Variants in TBCD observed in about 807,000 individuals in gnomAD.
The protein encoded by TBCD is tubulin-specific chaperone D.
TBCD carries 105 observed loss-of-function variants against 169.3 expected under a neutral mutation model. The ratio of observed to expected loss-of-function variants is 0.62; its 90% CI spans 0.53 to 0.73. The LOEUF (loss-of-function observed/expected upper bound fraction) is 0.73. Among genes scored for constraint, TBCD ranks in the 30% least tolerant of loss-of-function variants. The pLI is 0.00. For synonymous variants in TBCD, 700 were observed against 643.9 expected (o/e 1.09, Z -1.32); for missense variants, 1,444 against 1,600.1 (o/e 0.90, Z 1.66).
chr17:82,942,311 G>A lies in TBCD; in HGVS notation c.3565-138G>A, dbSNP rs1384540739. ...AGCCACATAGCTCAGGCTGCCGGGTGTGTGGGAAACGGCACAAATGGTTTC... is the reference window on the plus strand; with the variant it reads ...AGCCACATAGCTCAGGCTGCCGGGTATGTGGGAAACGGCACAAATGGTTTC... On this transcript the variant is annotated intron_variant, in intron 38 of 38. Coordinates refer to ENST00000355528, the MANE Select transcript of TBCD (RefSeq NM_005993.5). The A allele has an allele frequency of 3.2e-6, 4 of 1,255,822 alleles. No homozygotes were observed. The East Asian group carries it at 7.3e-5, about 23-fold the overall frequency. 77.8% of individuals were successfully genotyped at this position (1,255,822 alleles called of 1,614,324 possible). A position where few individuals can be genotyped will look rare whatever the true frequency, so the allele number is the denominator to read the frequency against.
At chr17:82,816,402 G>T (rs1037966996) in intron 13 of TBCD, among the ~76,000 whole-genome samples, 1 of 152,188 alleles carries the variant, frequency 6.6e-6, no homozygotes, top group Non-Finnish European at 1.5e-5. Flanking sequence ...TAGTAGAAAT[G>T]CTGGGTCATA....
chr17:82,848,235 G>A (rs558610606), intron 13 of TBCD, among the ~76,000 whole-genome samples: 1 of 152,182 alleles, frequency 6.6e-6, no homozygotes, highest in African/African-American at 2.4e-5. Context: ...GGCTCTGCAG[G>A]CACCGTCAGA....
chr17:82,843,260 GCTGT>G (rs1012763749), intron 13 of TBCD, among the ~76,000 whole-genome samples: 3 of 150,726 alleles, frequency 2.0e-5, no homozygotes, highest in African/African-American at 7.3e-5. Context: ...AGTTAACACA[GCTGT>G]CTGTGTTCCC....
chr17:82,882,165 C>T (rs1296938458), intron 14 of TBCD, among the ~76,000 whole-genome samples: 4 of 152,242 alleles, frequency 2.6e-5, no homozygotes, highest in African/African-American at 4.8e-5. Context: ...CTTTCTCAAC[C>T]GGCCCTGGGG....
At position 82,811,128 on chromosome 17, in the gene TBCD, C is replaced by T. The variant is rs147995098; in HGVS notation, c.1223+1346C>T. Among the ~76,000 whole-genome samples the T allele has an allele frequency of 7.7e-4, 117 of 152,296 alleles. No individual in the cohort carries two copies. The East Asian group carries it at 0.011, about 15-fold the overall frequency. On this transcript the variant is annotated intron_variant, in intron 12 of 38. Coordinates refer to ENST00000355528, the MANE Select transcript of TBCD (RefSeq NM_005993.5). ...AGGCGACCTCCAGCCTTGTTTCAGG[C>T]GTGTCCCTGGAGCTCCTTTCTGGTG...
chr17:82,876,893 C>T, intron 14 of TBCD: 2 of 888,022 alleles, frequency 2.3e-6, no homozygotes, highest in Non-Finnish European at 2.7e-6. Flanking sequence ...GCCGGGAGTG[C>T]CTGCGTCTCC....
At chr17:82,932,920 T>A in intron 34 of TBCD, 185 bp downstream of exon 34, 1 of 621,294 alleles carries the variant, frequency 1.6e-6, no homozygotes, top group East Asian at 2.8e-5. Flanking sequence ...AATAATAACA[T>A]ATTTACATAA....
At chr17:82,819,264 C>T (rs2052201487) in intron 13 of TBCD, among the ~76,000 whole-genome samples, 1 of 152,184 alleles carries the variant, frequency 6.6e-6, no homozygotes, top group Admixed American at 6.5e-5. Flanking sequence ...CTGGAAGGCA[C>T]CCTGGGTCTT....
Position 82,807,654 on chromosome 17 carries a change from G to A in TBCD, c.1134G>A (p.Trp378Ter), listed in dbSNP as rs767747027. The A allele has an allele frequency of 6.5e-7, 1 of 1,549,746 alleles. No individual in the cohort carries two copies. Among genetic ancestry groups the A allele is most frequent in the Non-Finnish European group, 8.7e-7 (1 of 1,146,390 alleles). ...AGGACAAGGACACGGTCGTGCGGTG[G>A]TCTGCAGCCAAGGGGTAGGTGTCTG... is the stretch of plus-strand genomic sequence containing the variant. ...GLKDKDTVVR[W>*]SAAKGIGRMA... The change falls in exon 11 of 39, where the codon TGG becomes TGA. Residue 378 changes from tryptophan to a stop codon, truncating the protein, a stop_gained. Transcript: ENST00000355528. LOFTEE classifies it high-confidence loss of function.
chr17:82,859,545 A>C (rs755706515), intron 13 of TBCD: 91 of 985,298 alleles, frequency 9.2e-5, no homozygotes, highest in Non-Finnish European at 1.1e-4. Context: ...GCAGACACAC[A>C]AGCTGTGACT....
chr17:82,850,515 C>T (rs1183913090), intron 13 of TBCD, among the ~76,000 whole-genome samples: 3 of 93,680 alleles, frequency 3.2e-5, no homozygotes, highest in Non-Finnish European at 5.0e-5. Context: ...GTTGGCTGTG[C>T]TGTTGTTGGC....
chr17:82,831,335 G>A lies in TBCD; in HGVS notation c.1318+16401G>A. ...GGAATTGGACTTTCGAACTCGACGT[G>A]TTTTCTGTTGGGGTCCGAAGGGTTT... On this transcript the variant is annotated intron_variant, in intron 13 of 38. Coordinates refer to ENST00000355528, the MANE Select transcript of TBCD (RefSeq NM_005993.5). This position sits in a 1 kb window ranked among gnomAD's most constrained non-coding sequence, Gnocchi z 4.6. 6.2e-7 allele frequency: 1 copy of A among 1,614,046 alleles called. No individual in the cohort carries two copies. Among genetic ancestry groups the A allele is most frequent in the Non-Finnish European group, 8.5e-7 (1 of 1,180,028 alleles).
At position 82,831,717 on chromosome 17, in the gene TBCD, A is replaced by G. The variant is rs776171352; in HGVS notation, c.1318+16783A>G. ...TGGTGGCCAGCCCGTGCTCTGTGTAAAAGTGAGGCGGGTACTCTGGGATTG... is the reference window on the plus strand; with the variant it reads ...TGGTGGCCAGCCCGTGCTCTGTGTAGAAGTGAGGCGGGTACTCTGGGATTG... On this transcript the variant is annotated intron_variant, in intron 13 of 38. Transcript: ENST00000355528. This position sits in a 1 kb window ranked among gnomAD's most constrained non-coding sequence, Gnocchi z 4.6. 5 of 1,614,120 alleles carry G rather than the reference A, an allele frequency of 3.1e-6. No individual in the cohort carries two copies. The highest frequency in any genetic ancestry group is 4.2e-6 in the Non-Finnish European group (5 of 1,180,024).
intron 4 of TBCD, 71 bp downstream of exon 4, chr17:82,766,439 T>C (rs2048021319): frequency 2.0e-6 from 2 of 988,858 alleles, no homozygotes; most frequent in South Asian, 2.8e-5. Context: ...TGCCCCACCC[T>C]GCTGCACCTT....
intron 37 of TBCD, among the ~76,000 whole-genome samples, 181 bp from the exon 38 acceptor site, chr17:82,941,218 C>G (rs951062062): frequency 6.6e-6 from 1 of 152,226 alleles, no homozygotes; most frequent in Non-Finnish European, 1.5e-5. Flanking sequence ...GGCTCAGGCT[C>G]GAGGCTCTGC....
In TBCD at chr17:82,937,374, G is replaced by A; in HGVS notation, c.3281+14G>A. 2 of 1,613,210 alleles carry A rather than the reference G, an allele frequency of 1.2e-6. No individual in the cohort carries two copies. The highest frequency in any genetic ancestry group is 1.1e-5 in the South Asian group (1 of 91,060). The stretch of plus-strand genomic sequence containing the variant: ...AGGCATCGCAGTGTGAGTTTCAAGT[G>A]CTGCTGGCCTTAGACGGAATGGCAG... On this transcript the variant is annotated intron_variant, in intron 35 of 38. Transcript: ENST00000355528.
chr17:82,773,112 T>TA (rs1394630450), intron 6 of TBCD, among the ~76,000 whole-genome samples: 5 of 152,262 alleles, frequency 3.3e-5, no homozygotes, highest in African/African-American at 1.2e-4. Context: ...GTATGTAGTT[T>TA]ACTAAGTCAG....
chr17:82,838,615 C>T (rs1811959870), intron 13 of TBCD: 5 of 983,698 alleles, frequency 5.1e-6, no homozygotes, highest in South Asian at 4.7e-5. Context: ...GTCGCAAGAA[C>T]GAGATTTGTG....
In TBCD at chr17:82,782,539, G is replaced by T. The variant is rs79944097; in HGVS notation, c.771+818G>T. ...ATATATTTTATAGAGACAGGGTCTT[G>T]CTATGTAGGTCAGGGTGGTCTTAAA... is the stretch of plus-strand genomic sequence containing the variant. On this transcript the variant is annotated intron_variant, in intron 7 of 38. Coordinates refer to ENST00000355528, the MANE Select transcript of TBCD (RefSeq NM_005993.5). The surrounding 1 kb of genome is among the most constrained non-coding windows in gnomAD (Gnocchi z 5.1). Among the ~76,000 whole-genome samples, 1,172 of 152,318 alleles carry T rather than the reference G, an allele frequency of 7.7e-3. 6 individuals carry two copies. The highest frequency in any genetic ancestry group is 0.011 in the Non-Finnish European group (754 of 68,022).
Sources: gnomAD v4.1 joint callset for allele counts (sites outside exome capture counted in the v4.1 genomes callset) on GRCh38, gnomAD v4.1.1 for gene constraint, Gnocchi (gnomAD v3.1) non-coding constraint, MANE v1.5 for transcripts, NCBI Gene and HGNC (gene_info 2026-07-23, HGNC 2026-07-21) for gene names.